Variants in ICA1L observed in about 807,000 individuals in gnomAD.
The protein encoded by ICA1L is islet cell autoantigen 1-like protein.
Under a neutral mutation model 61.3 loss-of-function variants are expected in ICA1L, and 50 were observed. That is an observed-to-expected ratio of 0.82 (90% CI 0.65 to 1.03). The LOEUF (loss-of-function observed/expected upper bound fraction) is 1.03, where lower values mean the gene tolerates loss of function less well. Ranked by LOEUF, ICA1L falls within the 50% of genes least tolerant of loss-of-function variation. The pLI is 0.00. For missense variants in ICA1L, 508 were observed against 556.7 expected, an observed-to-expected ratio of 0.91 and a Z score of 0.88; for synonymous variants, 161 against 191.3, an observed-to-expected ratio of 0.84 and a Z score of 1.31.
intron 1 of ICA1L, among the ~76,000 whole-genome samples, chr2:202,842,123 G>T (rs565215207): frequency 2.0e-4 from 31 of 152,238 alleles, no homozygotes; most frequent in African/African-American, 6.7e-4. Context: ...CCAAAGTGCT[G>T]GGATTACAGG....
intron 1 of ICA1L, among the ~76,000 whole-genome samples, chr2:202,846,244 TTTTC>T (rs974874896): frequency 1.5e-4 from 22 of 149,966 alleles, no homozygotes; most frequent in South Asian, 2.1e-4. Context: ...CCTTTTTGGT[TTTTC>T]TTTCTTTCTT....
Position 202,819,741 on chromosome 2 carries a change from A to C in ICA1L, c.518T>G (p.Leu173Arg). The change falls in exon 5 of 13, where the codon CTG (leucine) becomes CGG (arginine). Residue 173 changes from leucine to arginine, a missense_variant. Physicochemically the swap from Leu to Arg is moderately radical, Grantham distance 102. Transcript: ENST00000358299. ...CATTTGCTTTAAGGTGTCTGGGTCC[A>C]GCTCTTGGGATACATCTTTCATCCA... ...LLWMKDVSQE[L>R]DPDTLKQMEK... 1 of 1,614,146 alleles carries C rather than the reference A, an allele frequency of 6.2e-7. No individual in the cohort carries two copies. Among genetic ancestry groups the C allele is most frequent in the South Asian group, 1.1e-5 (1 of 91,078 alleles).
chr2:202,851,022 T>A (rs74476071), intron 1 of ICA1L, among the ~76,000 whole-genome samples: 29 of 152,110 alleles, frequency 1.9e-4, no homozygotes, highest in Admixed American at 4.6e-4. Context: ...TTTTTTTTTT[T>A]AATTATACTT....
At chr2:202,815,177 G>A (rs752942964) in intron 7 of ICA1L, among the ~76,000 whole-genome samples, 5 of 152,200 alleles carry the variant, frequency 3.3e-5, no homozygotes, top group Non-Finnish European at 5.9e-5. Context: ...GCCATACAGC[G>A]AAGCATTTAT....
At chr2:202,804,271 G>A (rs1476477274) in intron 9 of ICA1L, among the ~76,000 whole-genome samples, 2 of 152,128 alleles carry the variant, frequency 1.3e-5, no homozygotes, top group African/African-American at 4.8e-5. Context: ...TTAGCCAATC[G>A]GGTTCAGTTT....
chr2:202,838,940 C>G (rs1175503435), intron 1 of ICA1L, among the ~76,000 whole-genome samples: 1 of 151,976 alleles, frequency 6.6e-6, no homozygotes, highest in Non-Finnish European at 1.5e-5. Context: ...CTTAAACAAC[C>G]AAATCCCGTG....
At chr2:202,839,179 C>A (rs908084886) in intron 1 of ICA1L, among the ~76,000 whole-genome samples, 1 of 152,086 alleles carries the variant, frequency 6.6e-6, no homozygotes, top group African/African-American at 2.4e-5. Flanking sequence ...TCCATCCTTT[C>A]AGTTAATCTA....
Position 202,809,133 on chromosome 2 carries a change from C to T in ICA1L, c.910+2613G>A, listed in dbSNP as rs1035789691. Among the ~76,000 whole-genome samples the T allele has an allele frequency of 5.9e-5, 9 of 151,798 alleles. No individual in the cohort carries two copies. In the East Asian group the frequency reaches 1.6e-3, roughly 26 times the overall value. ...AAATAGCTGTTTTGAGGAAGCTCAGCGAAATTCAAGATAACACAGAGAAGG... is the reference window on the plus strand; with the variant it reads ...AAATAGCTGTTTTGAGGAAGCTCAGTGAAATTCAAGATAACACAGAGAAGG... On this transcript the variant is annotated intron_variant, in intron 9 of 12. Transcript: ENST00000358299.
intron 1 of ICA1L, among the ~76,000 whole-genome samples, chr2:202,846,105 A>T (rs1393247159): frequency 6.6e-6 from 1 of 152,188 alleles, no homozygotes; most frequent in Non-Finnish European, 1.5e-5. Context: ...GGGATCATGG[A>T]TGACAGTTTA....
chr2:202,793,025 A>C lies in ICA1L; in HGVS notation c.985+3865T>G, dbSNP rs751627873. Among the ~76,000 whole-genome samples the C allele has an allele frequency of 1.4e-4, 22 of 152,214 alleles. No individual in the cohort carries two copies. In the South Asian group the frequency reaches 1.7e-3, roughly 11 times the overall value. On this transcript the variant is annotated intron_variant, in intron 10 of 12. Coordinates refer to ENST00000358299, the MANE Select transcript of ICA1L (RefSeq NM_001288622.3). ...GATTAATTTAAAACAAGCATGAGAG[A>C]ATTTGGGGGGTAATGGAAACATTCT... is the stretch of plus-strand genomic sequence containing the variant.
intron 1 of ICA1L, among the ~76,000 whole-genome samples, chr2:202,870,163 A>C (rs1243068580): frequency 6.6e-6 from 1 of 152,232 alleles, no homozygotes; most frequent in Non-Finnish European, 1.5e-5. Context: ...AGTATAGTAG[A>C]ACAAGACAGT....
chr2:202,820,824 GA>G (rs1693680192), intron 4 of ICA1L, among the ~76,000 whole-genome samples: 1 of 152,164 alleles, frequency 6.6e-6, no homozygotes, highest in African/African-American at 2.4e-5. Context: ...GTCTGATAAG[GA>G]CTGTTTTATT....
Position 202,820,035 on chromosome 2 carries a change from T to C in ICA1L, c.360-136A>G, listed in dbSNP as rs1358300634. On this transcript the variant is annotated intron_variant, in intron 4 of 12. Coordinates refer to ENST00000358299, the MANE Select transcript of ICA1L (RefSeq NM_001288622.3). ...AAAAATTATTCAGTTCCTAAGGAGA[T>C]TTTGAAAGCAAATAAGGATCATATA... 1.0e-5 allele frequency: 7 copies of C among 679,444 alleles called. No homozygotes were observed. The South Asian group carries it at 1.3e-4, about 13-fold the overall frequency. The allele number at this position is 679,444 out of a possible 1,614,324, so 42.1% of individuals were successfully genotyped here.
rs768808203 is a variant in ICA1L at position 202,779,514 on chromosome 2, A to G, written c.*19T>C. 3.5e-6 allele frequency: 5 copies of G among 1,448,710 alleles called. No individual in the cohort carries two copies. The South Asian group carries it at 5.9e-5, about 17-fold the overall frequency. The allele number at this position is 1,448,710 out of a possible 1,614,324, so 89.7% of individuals were successfully genotyped here. On this transcript the variant is annotated 3_prime_UTR_variant, in exon 13 of 13. Coordinates refer to ENST00000358299, the MANE Select transcript of ICA1L (RefSeq NM_001288622.3). ...AAAATTGATGTCTCAAGGCCACTGA[A>G]GTGACATTATAACTTCAGTCAAGCA...
At chr2:202,840,544 C>T in intron 1 of ICA1L, 1 of 550,410 alleles carries the variant, frequency 1.8e-6, no homozygotes, top group East Asian at 4.7e-5. Flanking sequence ...TGGTGGTCTT[C>T]ATATGGATAT....
At chr2:202,851,768 C>G (rs574812676) in intron 1 of ICA1L, among the ~76,000 whole-genome samples, 1 of 151,974 alleles carries the variant, frequency 6.6e-6, no homozygotes, top group Non-Finnish European at 1.5e-5. Context: ...CCAGTGATGA[C>G]GAGCATTTTG....
chr2:202,793,984 CAAA>C (rs796439915), intron 10 of ICA1L, among the ~76,000 whole-genome samples: 106 of 83,264 alleles, frequency 1.3e-3, no homozygotes, highest in African/African-American at 4.4e-3. Flanking sequence ...AACTCCAGCT[CAAA>C]AAAAAAAAAA....
intron 8 of ICA1L, 126 bp downstream of exon 8, chr2:202,814,576 G>T: frequency 1.5e-6 from 1 of 663,136 alleles, no homozygotes; most frequent in Non-Finnish European, 2.7e-6. Flanking sequence ...CAAATGTTTA[G>T]TGTTGATTGG....
chr2:202,864,591 G>A (rs1473071239), intron 1 of ICA1L, among the ~76,000 whole-genome samples: 1 of 151,870 alleles, frequency 6.6e-6, no homozygotes, highest in Non-Finnish European at 1.5e-5. Flanking sequence ...GTAGTAGTGT[G>A]TGTGTATGTA....
Sources: allele counts gnomAD v4.1 joint callset (sites outside exome capture counted in the v4.1 genomes callset), GRCh38; gene constraint gnomAD v4.1.1; transcripts MANE v1.5; gene names NCBI Gene and HGNC (gene_info 2026-07-23, HGNC 2026-07-21).